The following PECAM1 variants were observed in gnomAD, a reference collection of about 807,000 sequenced individuals.
PECAM1 encodes the protein platelet and endothelial cell adhesion molecule 1, also known as platelet endothelial cell adhesion molecule.
In PECAM1, 8 loss-of-function variants were observed where a neutral mutation model predicts 13.8. The ratio of observed to expected loss-of-function variants is 0.58; its 90% CI spans 0.34 to 1.05. PECAM1 has a LOEUF of 1.05. Among genes scored for constraint, PECAM1 ranks in the 50% least tolerant of loss-of-function variants. The probability of loss-of-function intolerance (pLI) is 0.03; values close to 1 mark genes in which losing one functional copy is unlikely to be tolerated. For synonymous variants in PECAM1, 136 were observed against 52.6 expected (o/e 2.58, Z -6.86); for missense variants, 304 against 141.2 (o/e 2.15, Z -5.84).
chr17:64,332,886 C>T (rs1555647052), intron 14 of PECAM1, among the ~76,000 whole-genome samples: 1 of 152,240 alleles, frequency 6.6e-6, no homozygotes, highest in Non-Finnish European at 1.5e-5. Flanking sequence ...GGCGCAGTGG[C>T]TCACGCCTGT....
chr17:64,359,699 CCCTGCTTTGGTG>C (rs1284691353), intron 7 of PECAM1, among the ~76,000 whole-genome samples: 2,119 of 151,876 alleles, frequency 0.014, 36 homozygotes, highest in Middle Eastern at 0.041. Context: ...TGAACCTTGG[CCCTGCTTTGGTG>C]CATATCTAGT....
chr17:64,322,024 A>G lies in PECAM1; in HGVS notation c.*1792T>C. On this transcript the variant is annotated 3_prime_UTR_variant, in exon 16 of 16. Transcript: ENST00000563924. ...AAATTGTATGACATTTTCGTGATAC[A>G]ACTCGGTGTGTGTGTGTTGGGGAAA... The G allele has an allele frequency of 8.3e-7, 1 of 1,206,008 alleles. No individual in the cohort carries two copies. Among genetic ancestry groups the G allele is most frequent in the Non-Finnish European group, 1.1e-6 (1 of 940,528 alleles). 74.7% of individuals were successfully genotyped at this position (1,206,008 alleles called of 1,614,324 possible). A position where few individuals can be genotyped will look rare whatever the true frequency, so the allele number is the denominator to read the frequency against.
chr17:64,323,443 A>G lies in PECAM1; in HGVS notation c.*373T>C. On this transcript the variant is annotated 3_prime_UTR_variant, in exon 16 of 16. Transcript: ENST00000563924. ...CTAGAAATGATTGAGTATAAAAAAGAAAATTGGTTTCTGTGTATGAGGGTG... is the reference window on the plus strand; with the variant it reads ...CTAGAAATGATTGAGTATAAAAAAGGAAATTGGTTTCTGTGTATGAGGGTG... 1.7e-6 allele frequency: 2 copies of G among 1,161,450 alleles called. No homozygotes were observed. The highest frequency in any genetic ancestry group is 2.0e-5 in the South Asian group (1 of 48,970). 71.9% of individuals were successfully genotyped at this position (1,161,450 alleles called of 1,614,324 possible). A position where few individuals can be genotyped will look rare whatever the true frequency, so the allele number is the denominator to read the frequency against.
chr17:64,384,960 C>T (rs1405213346), intron 2 of PECAM1, among the ~76,000 whole-genome samples: 9 of 152,152 alleles, frequency 5.9e-5, no homozygotes, highest in Non-Finnish European at 1.2e-4. Context: ...GAATTACTGC[C>T]TGTAGGTCTC....
At chr17:64,340,155 C>CA (rs1228464445) in intron 14 of PECAM1, among the ~76,000 whole-genome samples, 18 of 151,852 alleles carry the variant, frequency 1.2e-4, no homozygotes, top group African/African-American at 3.4e-4. Flanking sequence ...CTGTTTCAAA[C>CA]AAAAAAACAA....
intron 14 of PECAM1, among the ~76,000 whole-genome samples, chr17:64,334,993 G>A (rs2035235186): frequency 6.6e-6 from 1 of 152,108 alleles, no homozygotes; most frequent in East Asian, 1.9e-4. Context: ...GGAACATGCT[G>A]CATCAAGAGT....
intron 5 of PECAM1, among the ~76,000 whole-genome samples, chr17:64,365,316 TAA>T (rs1365211617): frequency 2.0e-5 from 3 of 152,012 alleles, no homozygotes; most frequent in African/African-American, 4.8e-5. Flanking sequence ...CTCAATGAAA[TAA>T]AAGAGGATAC....
In PECAM1 at chr17:64,320,498, G is replaced by A. The variant is rs1306448866; in HGVS notation, c.*3318C>T. 1 of 152,396 alleles carries A rather than the reference G, an allele frequency of 6.6e-6. No homozygotes were observed. Among genetic ancestry groups the A allele is most frequent in the Non-Finnish European group, 1.5e-5 (1 of 68,198 alleles). 9.4% of individuals were successfully genotyped at this position (152,396 alleles called of 1,614,324 possible). A position where few individuals can be genotyped will look rare whatever the true frequency, so the allele number is the denominator to read the frequency against. On this transcript the variant is annotated 3_prime_UTR_variant, in exon 16 of 16. Coordinates refer to ENST00000563924, the MANE Select transcript of PECAM1 (RefSeq NM_000442.5). ...TTTCCACTGGTACCCTCTGCCTATG[G>A]TCAAGGCTTTGGTGAGACCCACTTT...
intron 7 of PECAM1, among the ~76,000 whole-genome samples, chr17:64,358,563 C>T (rs2035900339): frequency 6.6e-6 from 1 of 152,126 alleles, no homozygotes; most frequent in Non-Finnish European, 1.5e-5. Context: ...CCCACTTAAG[C>T]TAGATGAAGT....
At chr17:64,328,922 T>G (rs187473352) in intron 15 of PECAM1, among the ~76,000 whole-genome samples, 2 of 152,190 alleles carry the variant, frequency 1.3e-5, no homozygotes, top group East Asian at 3.9e-4. Flanking sequence ...ATCTGCCAAA[T>G]AGCAGATTCC....
intron 14 of PECAM1, among the ~76,000 whole-genome samples, chr17:64,334,402 A>T (rs2035212384): frequency 1.3e-5 from 2 of 152,128 alleles, no homozygotes; most frequent in African/African-American, 4.8e-5. Flanking sequence ...GCAGCCCTGA[A>T]ATGCTGCATG....
intron 8 of PECAM1, 84 bp from the exon 9 acceptor site, chr17:64,355,124 A>T (rs1192610588): frequency 2.4e-6 from 1 of 423,620 alleles, no homozygotes; most frequent in African/African-American, 2.0e-5. Context: ...CTTAAGCAAC[A>T]AAAGTCAGTC....
At chr17:64,377,720 G>T in intron 3 of PECAM1, 104 bp downstream of exon 3, 1 of 465,152 alleles carries the variant, frequency 2.1e-6, no homozygotes. Flanking sequence ...AGAGGGTGAT[G>T]GGTGGAGAGT....
chr17:64,374,763 G>A (rs1026739210), intron 4 of PECAM1, among the ~76,000 whole-genome samples: 93 of 146,582 alleles, frequency 6.3e-4, no homozygotes, highest in African/African-American at 2.1e-3. Flanking sequence ...CAGCTTGGGC[G>A]ACAGAGCGAG....
chr17:64,367,614 C>T (rs1437878324), intron 5 of PECAM1, among the ~76,000 whole-genome samples: 2 of 151,394 alleles, frequency 1.3e-5, no homozygotes, highest in East Asian at 1.9e-4. Flanking sequence ...CATGGAAAGG[C>T]CTGTTGGAGA....
rs1042779107 is a variant in PECAM1, at chr17:64,356,395, G to A, written c.1496C>T (p.Pro499Leu). The A allele has an allele frequency of 2.4e-5, 11 of 465,148 alleles. No homozygotes were observed. Among genetic ancestry groups the A allele is most frequent in the South Asian group, 2.3e-4 (3 of 13,080 alleles). The allele number at this position is 465,148 out of a possible 1,614,324, so 28.8% of individuals were successfully genotyped here. A position where few individuals can be genotyped will look rare whatever the true frequency, so the allele number is the denominator to read the frequency against. Residue 499 changes from proline to leucine, a missense_variant, in exon 8 of 16, where the codon CCG becomes CTG. Physicochemically the swap from Pro to Leu is moderately conservative, Grantham distance 98. Coordinates refer to ENST00000563924, the MANE Select transcript of PECAM1 (RefSeq NM_000442.5). ...GATAGAAATCTGGACCTCATCCACCGGGGCTGAAAAGCAGGAAAAGGATTC... is the reference window on the plus strand; with the variant it reads ...GATAGAAATCTGGACCTCATCCACCAGGGCTGAAAAGCAGGAAAAGGATTC... ...SEVLRVKVIA[P>L]VDEVQISILS...
At chr17:64,359,758 CTT>C (rs11431765) in intron 7 of PECAM1, among the ~76,000 whole-genome samples, 417 of 144,554 alleles carry the variant, frequency 2.9e-3, no homozygotes, top group Non-Finnish European at 3.2e-3. Context: ...ACTTCTCTCG[CTT>C]TTTTTTTTTT....
intron 4 of PECAM1, among the ~76,000 whole-genome samples, chr17:64,374,323 A>G (rs1309766980): frequency 6.8e-6 from 1 of 146,052 alleles, no homozygotes; most frequent in African/African-American, 2.6e-5. Flanking sequence ...AACCCTGTCT[A>G]TACTAAAAAT....
chr17:64,389,156 G>C, intron 2 of PECAM1, among the ~76,000 whole-genome samples: 1 of 152,198 alleles, frequency 6.6e-6, no homozygotes, highest in East Asian at 1.9e-4. Context: ...TGGGGCCACT[G>C]CTCCGAGGCT....
Sources: allele counts gnomAD v4.1 joint callset (sites outside exome capture counted in the v4.1 genomes callset), GRCh38; gene constraint gnomAD v4.1.1; transcripts MANE v1.5; gene names NCBI Gene and HGNC (gene_info 2026-07-23, HGNC 2026-07-21).